DPYD: variants seen among roughly 807,000 people sequenced by gnomAD.
The protein encoded by DPYD is dihydropyrimidine dehydrogenase.
A neutral mutation model predicts 116.2 loss-of-function variants in DPYD; 109 were observed. The ratio of observed to expected loss-of-function variants is 0.94; its 90% confidence interval spans 0.80 to 1.10. The LOEUF is 1.10. DPYD is among the 50% of genes least tolerant of loss of function. DPYD has a pLI of 0.00. For synonymous variants in DPYD, 440 were observed against 432.0 expected, an observed-to-expected ratio of 1.02 and a Z score of -0.23; for missense variants, 1,302 against 1,254.5, an observed-to-expected ratio of 1.04 and a Z score of -0.57.
At chr1:97,475,266 G>C (rs1026134198) in intron 13 of DPYD, among the ~76,000 whole-genome samples, 2 of 152,038 alleles carry the variant, frequency 1.3e-5, no homozygotes, top group African/African-American at 4.8e-5. Flanking sequence ...GTTAAATCAT[G>C]ATGATTTGCT....
chr1:97,570,216 ATTAGC>A (rs1652800083), intron 11 of DPYD, among the ~76,000 whole-genome samples: 1 of 151,984 alleles, frequency 6.6e-6, no homozygotes, highest in Non-Finnish European at 1.5e-5. Flanking sequence ...CAATTTTCCA[ATTAGC>A]TTAGCTTTTC....
At chr1:97,270,151 A>T (rs1664485643) in intron 18 of DPYD, among the ~76,000 whole-genome samples, 2 of 152,158 alleles carry the variant, frequency 1.3e-5, no homozygotes, top group Admixed American at 1.3e-4. Context: ...AAAGGAAGAG[A>T]GGAGGCAAGA....
intron 12 of DPYD, among the ~76,000 whole-genome samples, chr1:97,545,106 GAA>G (rs1557787031): frequency 1.3e-5 from 2 of 152,046 alleles, no homozygotes; most frequent in African/African-American, 4.8e-5. Flanking sequence ...CAGTTATATA[GAA>G]AAGAGAGAAG....
chr1:97,743,772 C>A (rs1276297838), intron 3 of DPYD, among the ~76,000 whole-genome samples: 1 of 152,090 alleles, frequency 6.6e-6, no homozygotes, highest in African/African-American at 2.4e-5. Context: ...ACATAAATTT[C>A]TCCTTAAAAG....
intron 11 of DPYD, among the ~76,000 whole-genome samples, chr1:97,557,023 TC>T (rs1651778465): frequency 6.6e-6 from 1 of 151,580 alleles, no homozygotes; most frequent in African/African-American, 2.4e-5. Context: ...ACCTGTTGTT[TC>T]CTGACTTTTT....
At chr1:97,535,705 T>C (rs1649943640) in intron 12 of DPYD, among the ~76,000 whole-genome samples, 1 of 152,178 alleles carries the variant, frequency 6.6e-6, no homozygotes, top group Admixed American at 6.5e-5. Flanking sequence ...TTATTAGTCA[T>C]GGTATTTTCT....
intron 3 of DPYD, among the ~76,000 whole-genome samples, chr1:97,793,535 A>G (rs1667417131): frequency 6.6e-6 from 1 of 152,216 alleles, no homozygotes; most frequent in South Asian, 2.1e-4. Flanking sequence ...CAAAGTCCAG[A>G]AAGAGACCCA....
chr1:97,350,035 A>C (rs1670064122), intron 16 of DPYD, among the ~76,000 whole-genome samples: 1 of 152,034 alleles, frequency 6.6e-6, no homozygotes, highest in Non-Finnish European at 1.5e-5. Context: ...ACAGAAAGAC[A>C]AAGTTAATTT....
chr1:97,504,358 T>G (rs1679764597), intron 13 of DPYD, among the ~76,000 whole-genome samples: 1 of 152,022 alleles, frequency 6.6e-6, no homozygotes, highest in African/African-American at 2.4e-5. Context: ...TCCTAGAATT[T>G]GTCAGGGGAA....
At chr1:97,153,863 C>T (rs1655214369) in intron 20 of DPYD, among the ~76,000 whole-genome samples, 1 of 150,164 alleles carries the variant, frequency 6.7e-6, no homozygotes, top group Non-Finnish European at 1.5e-5. Flanking sequence ...ATTCTGAAAA[C>T]AAATGGCCAA....
intron 16 of DPYD, among the ~76,000 whole-genome samples, chr1:97,308,930 A>G (rs913241477): frequency 1.3e-5 from 2 of 151,914 alleles, no homozygotes; most frequent in Non-Finnish European, 2.9e-5. Context: ...AAGGAAAACA[A>G]AAAACAATTA....
At chr1:97,542,637 A>T (rs1191289390) in intron 12 of DPYD, among the ~76,000 whole-genome samples, 1 of 152,074 alleles carries the variant, frequency 6.6e-6, no homozygotes, top group Non-Finnish European at 1.5e-5. Context: ...TTGTAACTTG[A>T]TGCTTTTTAT....
intron 19 of DPYD, among the ~76,000 whole-genome samples, chr1:97,232,833 C>T (rs537518611): frequency 6.6e-6 from 1 of 152,172 alleles, no homozygotes; most frequent in East Asian, 1.9e-4. Flanking sequence ...CTTGTTAATG[C>T]AATTTTATAA....
intron 1 of DPYD, chr1:97,883,753 T>C: frequency 2.6e-6 from 1 of 377,424 alleles, no homozygotes; most frequent in South Asian, 2.2e-5. Context: ...GGTAGCATTT[T>C]TAGGAATCAA....
intron 12 of DPYD, among the ~76,000 whole-genome samples, chr1:97,544,577 T>G (rs1650686576): frequency 6.6e-6 from 1 of 152,056 alleles, no homozygotes; most frequent in African/African-American, 2.4e-5. Flanking sequence ...TATTCAAACT[T>G]CCTATCTGCC....
chr1:97,283,642 T>C (rs528455), intron 18 of DPYD, among the ~76,000 whole-genome samples: 61,545 of 151,922 alleles, frequency 0.41, 12,692 homozygotes, highest in African/African-American at 0.45. Flanking sequence ...AAATAAACGC[T>C]GTATTTACTA....
At chr1:97,231,243 C>T (rs981915484) in intron 19 of DPYD, among the ~76,000 whole-genome samples, 2 of 152,142 alleles carry the variant, frequency 1.3e-5, no homozygotes, top group African/African-American at 4.8e-5. Flanking sequence ...TCCCGTCTTA[C>T]AGGTCCTGTG....
chr1:97,887,325 C>G (rs112328460), intron 1 of DPYD, among the ~76,000 whole-genome samples: 4 of 151,260 alleles, frequency 2.6e-5, no homozygotes, highest in Non-Finnish European at 4.4e-5. Context: ...CAAAAATTAG[C>G]CGGGCATGGT....
At chr1:97,436,111 C>A (rs1675457037) in intron 14 of DPYD, among the ~76,000 whole-genome samples, 1 of 151,952 alleles carries the variant, frequency 6.6e-6, no homozygotes, top group South Asian at 2.1e-4. Context: ...ACAATTGTTA[C>A]AGTTTTCACA....
Sources: gnomAD v4.1 joint callset for allele counts (sites outside exome capture counted in the v4.1 genomes callset) on GRCh38, gnomAD v4.1.1 for gene constraint, MANE v1.5 for transcripts, NCBI Gene and HGNC (gene_info 2026-07-23, HGNC 2026-07-21) for gene names.